Variants in DACH2 observed in about 807,000 individuals in gnomAD.
DACH2 encodes dachshund family transcription factor 2.
In DACH2, 17 loss-of-function variants were observed where a neutral mutation model predicts 35.8. The ratio of observed to expected loss-of-function variants is 0.48; its 90% CI spans 0.33 to 0.71. The LOEUF is 0.71. DACH2 is among the 30% of genes least tolerant of loss of function. DACH2 has a pLI of 0.02. For missense variants in DACH2, 469 were observed against 472.7 expected, an observed-to-expected ratio of 0.99 and a Z score of 0.07; for synonymous variants, 195 against 177.3, an observed-to-expected ratio of 1.10 and a Z score of -0.79.
At chrX:86,335,557 C>T (rs1237845027) in intron 1 of DACH2, among the ~76,000 whole-genome samples, 3 of 110,684 alleles carry the variant, frequency 2.7e-5, no homozygotes, top group African/African-American at 9.8e-5. Flanking sequence ...TCTGTCTGTT[C>T]TTGGTGTATA....
intron 4 of DACH2, among the ~76,000 whole-genome samples, chrX:86,670,245 G>A (rs1048080846): frequency 1.7e-4 from 19 of 110,499 alleles, no homozygotes; most frequent in Admixed American, 2.9e-4. Context: ...ACAAGTTTCC[G>A]GCCGAGACTA....
At chrX:86,251,203 GAGAT>G (rs2147951572) in intron 1 of DACH2, among the ~76,000 whole-genome samples, 1 of 111,221 alleles carries the variant, frequency 9.0e-6, no homozygotes, top group Non-Finnish European at 1.9e-5. Flanking sequence ...ATGAGGCTTG[GAGAT>G]GGTCTAAGAA....
At chrX:86,737,808 C>G (rs568643686) in intron 6 of DACH2, among the ~76,000 whole-genome samples, 3 of 111,782 alleles carry the variant, frequency 2.7e-5, no homozygotes, top group African/African-American at 9.7e-5. Context: ...AAGTTTTTTA[C>G]ATGAATATAT....
intron 2 of DACH2, among the ~76,000 whole-genome samples, chrX:86,502,011 T>TTTCCTTCCTTCCTTCC (rs533021751): frequency 1.0e-5 from 1 of 95,549 alleles, no homozygotes; most frequent in Non-Finnish European, 2.1e-5. Flanking sequence ...TCTTTCCTTC[T>TTTCCTTCCTTCCTTCC]TTCCTTCCTT....
At chrX:86,795,189 G>C (rs1015654037) in intron 7 of DACH2, among the ~76,000 whole-genome samples, 1 of 108,766 alleles carries the variant, frequency 9.2e-6, no homozygotes, top group Non-Finnish European at 1.9e-5. Context: ...AAATCGCTAA[G>C]TGAAGTGAGT....
intron 2 of DACH2, among the ~76,000 whole-genome samples, chrX:86,445,559 G>A (rs1602527850): frequency 1.9e-4 from 4 of 20,727 alleles, no homozygotes; most frequent in Non-Finnish European, 2.2e-4. Flanking sequence ...ACTACCATCA[G>A]AGTGAACAAA....
At chrX:86,292,796 T>C (rs1367500277) in intron 1 of DACH2, among the ~76,000 whole-genome samples, 1 of 111,613 alleles carries the variant, frequency 9.0e-6, no homozygotes, top group African/African-American at 3.3e-5. Flanking sequence ...AGAGATAGTT[T>C]GTTATAATTT....
intron 1 of DACH2, among the ~76,000 whole-genome samples, chrX:86,167,977 A>C (rs1039501018): frequency 1.8e-5 from 2 of 111,789 alleles, no homozygotes; most frequent in Non-Finnish European, 3.8e-5. Flanking sequence ...TGTCCTTGAG[A>C]ATGATCCATG....
intron 3 of DACH2, among the ~76,000 whole-genome samples, chrX:86,557,412 C>T (rs2039148070): frequency 9.3e-6 from 1 of 107,892 alleles, no homozygotes; most frequent in Admixed American, 1.0e-4. Context: ...TTAGGATTGA[C>T]TTGGCGATGC....
At chrX:86,805,790 A>G (rs2042338725) in intron 7 of DACH2, among the ~76,000 whole-genome samples, 1 of 112,172 alleles carries the variant, frequency 8.9e-6, no homozygotes, top group African/African-American at 3.2e-5. Context: ...TCCCTAGAGC[A>G]GGCACACAAT....
intron 3 of DACH2, among the ~76,000 whole-genome samples, chrX:86,535,409 C>T (rs1038231983): frequency 5.4e-5 from 6 of 111,816 alleles, no homozygotes; most frequent in African/African-American, 1.6e-4. Context: ...ATAGACTCCT[C>T]TCTTGGCCAT....
At chrX:86,725,702 C>T (rs2041460414) in intron 6 of DACH2, among the ~76,000 whole-genome samples, 1 of 110,868 alleles carries the variant, frequency 9.0e-6, no homozygotes. Context: ...TTCCCAGGGC[C>T]CCTGGACTGC....
At chrX:86,438,174 G>T (rs1228644001) in intron 2 of DACH2, among the ~76,000 whole-genome samples, 1 of 106,275 alleles carries the variant, frequency 9.4e-6, no homozygotes, top group Non-Finnish European at 1.9e-5. Flanking sequence ...TAGGATAATG[G>T]CCTCCAGCTC....
At chrX:86,554,291 AAAC>A (rs1177070598) in intron 3 of DACH2, among the ~76,000 whole-genome samples, 8 of 111,328 alleles carry the variant, frequency 7.2e-5, no homozygotes, top group African/African-American at 2.6e-4. Flanking sequence ...TATATAACAA[AAAC>A]AACGACAACA....
chrX:86,358,143 G>A (rs1204069956), intron 1 of DACH2, among the ~76,000 whole-genome samples: 1 of 111,068 alleles, frequency 9.0e-6, no homozygotes, highest in African/African-American at 3.3e-5. Context: ...ATTATAATTT[G>A]AGCAAGCTCA....
At chrX:86,659,570 T>C (rs978546167) in intron 4 of DACH2, among the ~76,000 whole-genome samples, 1 of 111,613 alleles carries the variant, frequency 9.0e-6, no homozygotes, top group African/African-American at 3.2e-5. Context: ...CCAACTATGC[T>C]ATTATCAAAT....
intron 7 of DACH2, among the ~76,000 whole-genome samples, chrX:86,765,951 C>T (rs966930116): frequency 9.1e-6 from 1 of 109,788 alleles, no homozygotes; most frequent in African/African-American, 3.3e-5. Context: ...TCATAATTCT[C>T]CTTGTAGAGA....
intron 2 of DACH2, among the ~76,000 whole-genome samples, chrX:86,391,892 G>A (rs985265777): frequency 9.0e-6 from 1 of 111,244 alleles, no homozygotes; most frequent in South Asian, 3.7e-4. Flanking sequence ...TCTTATTCTA[G>A]ATCGTGGGTA....
intron 2 of DACH2, among the ~76,000 whole-genome samples, chrX:86,499,864 G>T (rs2038225251): frequency 9.0e-6 from 1 of 111,483 alleles, no homozygotes; most frequent in Non-Finnish European, 1.9e-5. Context: ...TTAACAACTG[G>T]CTGAGGGTGG....
Sources: gnomAD v4.1 joint callset for allele counts (sites outside exome capture counted in the v4.1 genomes callset) on GRCh38, gnomAD v4.1.1 for gene constraint, MANE v1.5 for transcripts, NCBI Gene and HGNC (gene_info 2026-07-23, HGNC 2026-07-21) for gene names.